Variants in CSMD3 observed in about 807,000 individuals in gnomAD.
CSMD3 encodes the protein CUB and sushi domain-containing protein 3.
Under a neutral mutation model 435.2 loss-of-function variants are expected in CSMD3, and 177 were observed. The ratio of observed to expected loss-of-function variants is 0.41; its 90% confidence interval spans 0.36 to 0.46. CSMD3 has a LOEUF of 0.46. CSMD3 is among the 20% of genes least tolerant of loss of function. The pLI is 0.34. For synonymous variants in CSMD3, 1,656 were observed against 1,520.5 expected (o/e 1.09, Z -2.07); for missense variants, 4,265 against 4,504.6 (o/e 0.95, Z 1.52).
At chr8:113,003,767 G>A (rs1169783293) in intron 6 of CSMD3, among the ~76,000 whole-genome samples, 4 of 151,932 alleles carry the variant, frequency 2.6e-5, no homozygotes, top group South Asian at 2.1e-4. Flanking sequence ...ATGATTCTAC[G>A]ATGCTATAGA....
chr8:112,326,891 G>A (rs1049746099), intron 45 of CSMD3, among the ~76,000 whole-genome samples: 2 of 151,982 alleles, frequency 1.3e-5, no homozygotes, highest in African/African-American at 4.8e-5. Context: ...GTGTGGCGGT[G>A]CATGCCTGTA....
At position 112,890,779 on chromosome 8, in the gene CSMD3, CA is replaced by C. The variant is rs540665050; in HGVS notation, c.1633+30847del. 3.9e-3 allele frequency among the ~76,000 whole-genome samples: 593 copies of C among 151,684 alleles called. 1 individual carries two copies. The highest frequency in any genetic ancestry group is 0.037 in the Middle Eastern group (11 of 294). ...GCCATATAACTTGTTTCTCAATCTT[CA>C]GTCTTATTTAATAGGCATGGCTTTT... On this transcript the variant is annotated intron_variant, in intron 10 of 70. Coordinates refer to ENST00000297405, the MANE Select transcript of CSMD3 (RefSeq NM_198123.2).
intron 32 of CSMD3, among the ~76,000 whole-genome samples, chr8:112,467,104 ACT>A (rs1818033504): frequency 1.3e-5 from 2 of 152,204 alleles, no homozygotes; most frequent in South Asian, 2.1e-4. Context: ...GGGTTTGGTA[ACT>A]CTGTGTGCCA....
intron 1 of CSMD3, among the ~76,000 whole-genome samples, chr8:113,357,709 A>G (rs2094241593): frequency 6.6e-6 from 1 of 152,206 alleles, no homozygotes; most frequent in South Asian, 2.1e-4. Flanking sequence ...GGGACCTAGT[A>G]GAAGATGACT....
intron 22 of CSMD3, among the ~76,000 whole-genome samples, chr8:112,621,724 T>G (rs1834086303): frequency 6.6e-6 from 1 of 152,212 alleles, no homozygotes. Flanking sequence ...TTGCTGGCTC[T>G]TTTATATCTC....
At chr8:113,235,090 T>G (rs1297829938) in intron 3 of CSMD3, among the ~76,000 whole-genome samples, 1 of 152,148 alleles carries the variant, frequency 6.6e-6, no homozygotes, top group Admixed American at 6.6e-5. Flanking sequence ...TTGACTGACT[T>G]ATCTCTACAT....
chr8:112,660,805 T>C (rs562165745), intron 17 of CSMD3, among the ~76,000 whole-genome samples: 28 of 152,332 alleles, frequency 1.8e-4, no homozygotes, highest in African/African-American at 5.5e-4. Context: ...TAAAGCATTG[T>C]AACTCCTGAT....
At chr8:112,235,350 C>T (rs1813467658) in intron 67 of CSMD3, among the ~76,000 whole-genome samples, 2 of 152,066 alleles carry the variant, frequency 1.3e-5, no homozygotes, top group African/African-American at 4.8e-5. Flanking sequence ...CACCACTGCA[C>T]TCCAGACTGG....
intron 5 of CSMD3, among the ~76,000 whole-genome samples, chr8:113,020,323 A>G (rs1480868227): frequency 6.6e-6 from 1 of 152,138 alleles, no homozygotes; most frequent in Non-Finnish European, 1.5e-5. Flanking sequence ...CATTTATAAT[A>G]TACTCAAAAC....
intron 5 of CSMD3, among the ~76,000 whole-genome samples, chr8:113,032,027 T>A (rs1303170656): frequency 6.6e-6 from 1 of 151,688 alleles, no homozygotes; most frequent in Non-Finnish European, 1.5e-5. Flanking sequence ...GCCATGATAG[T>A]AAGTCTCCTG....
At chr8:113,020,687 G>A (rs2086655820) in intron 5 of CSMD3, among the ~76,000 whole-genome samples, 1 of 152,122 alleles carries the variant, frequency 6.6e-6, no homozygotes, top group South Asian at 2.1e-4. Flanking sequence ...ATTCTTCAAA[G>A]CTCACAGTTT....
At chr8:112,578,973 T>C (rs1388721622) in intron 23 of CSMD3, among the ~76,000 whole-genome samples, 1 of 152,082 alleles carries the variant, frequency 6.6e-6, no homozygotes, top group African/African-American at 2.4e-5. Context: ...ACATTTCATA[T>C]AACTAATTGA....
chr8:112,367,074 C>A (rs190221801), intron 38 of CSMD3, among the ~76,000 whole-genome samples: 1 of 152,090 alleles, frequency 6.6e-6, no homozygotes, highest in Non-Finnish European at 1.5e-5. Flanking sequence ...AAAAACTGCA[C>A]CAATTCAATT....
chr8:112,313,913 T>A lies in CSMD3; in HGVS notation c.7689A>T (p.Arg2563Ser), dbSNP rs964659013. The A allele has an allele frequency of 3.1e-6, 5 of 1,609,940 alleles. No individual in the cohort carries two copies. The African/African-American group carries it at 4.0e-5, about 13-fold the overall frequency. Residue 2563 changes from arginine (R) to serine (S), a missense_variant, in exon 49 of 71, where the codon AGA (arginine) becomes AGT (serine). Physicochemically the swap from Arg to Ser is moderately radical, Grantham distance 110 (BLOSUM62 -1). Around this residue, in one of 3 missense-constraint regions of CSMD3, gnomAD observed 3,255 missense variants for 3,380.2 expected, o/e 0.96. Transcript: ENST00000297405. ...HGNNKKGFRI[R>S]YIAFYCSTPE... ...GTTATAAGTTTTACATACCTATATA[T>A]CTTATCCGGAAGCCTTTTTTGTTAT...
intron 25 of CSMD3, among the ~76,000 whole-genome samples, chr8:112,555,433 A>C (rs550535745): frequency 5.3e-5 from 8 of 152,002 alleles, no homozygotes; most frequent in Non-Finnish European, 7.4e-5. Flanking sequence ...TTTCATAATC[A>C]CATCAGAGAG....
intron 32 of CSMD3, among the ~76,000 whole-genome samples, chr8:112,445,990 T>A (rs1450310594): frequency 3.3e-5 from 5 of 152,248 alleles, no homozygotes; most frequent in African/African-American, 1.2e-4. Flanking sequence ...TAAATAATTC[T>A]AGAAAGAGGT....
At chr8:113,058,076 T>A (rs1350089518) in intron 5 of CSMD3, among the ~76,000 whole-genome samples, 1 of 151,874 alleles carries the variant, frequency 6.6e-6, no homozygotes, top group African/African-American at 2.4e-5. Flanking sequence ...CTGTTCTTCA[T>A]AAAATAAGAA....
intron 5 of CSMD3, among the ~76,000 whole-genome samples, chr8:113,087,693 A>C (rs1203215939): frequency 5.9e-5 from 9 of 152,086 alleles, no homozygotes; most frequent in Non-Finnish European, 1.2e-4. Context: ...CTTACACCTT[A>C]TACAAAAATT....
At chr8:113,291,668 C>T (rs1380636811) in intron 2 of CSMD3, among the ~76,000 whole-genome samples, 2 of 151,826 alleles carry the variant, frequency 1.3e-5, no homozygotes, top group Non-Finnish European at 3.0e-5. Context: ...TGTTCCCCTA[C>T]GAGTAGCCAC....
Sources: allele counts gnomAD v4.1 joint callset (sites outside exome capture counted in the v4.1 genomes callset), GRCh38; gene constraint gnomAD v4.1.1; regional missense constraint gnomAD v4.1.1; transcripts MANE v1.5; gene names NCBI Gene and HGNC (gene_info 2026-07-23, HGNC 2026-07-21).